Variants in CPAP observed in about 807,000 individuals in gnomAD.
CPAP encodes the protein centrosomal P4.1-associated protein.
chr13:24,912,062 T>C, the CPAP span: 159 of 1,613,376 alleles, frequency 9.9e-5, no homozygotes, highest in Middle Eastern at 9.9e-4. Flanking sequence ...CTGTTGTACT[T>C]CTTTCAGCTT....
the CPAP span, among the ~76,000 whole-genome samples, chr13:24,884,714 C>T: frequency 3.9e-5 from 6 of 152,112 alleles, no homozygotes; most frequent in African/African-American, 9.7e-5. Context: ...CTAAAGTAGA[C>T]TTTGTACAGG....
chr13:24,903,967 A>G, the CPAP span: 1 of 1,614,158 alleles, frequency 6.2e-7, no homozygotes, highest in Non-Finnish European at 8.5e-7. Context: ...TGCGAAGTTT[A>G]GCTAAAGATG....
chr13:24,892,559 T>G, the CPAP span: 4 of 1,084,754 alleles, frequency 3.7e-6, no homozygotes, highest in Non-Finnish European at 5.7e-6. Context: ...CAGCTCCCAT[T>G]CTACTTTCTG....
At chr13:24,919,775 T>C in the CPAP span, among the ~76,000 whole-genome samples, 1 of 151,696 alleles carries the variant, frequency 6.6e-6, no homozygotes, top group Admixed American at 6.6e-5. Flanking sequence ...TTTTTTTCTT[T>C]TTTTCTGAGA....
At chr13:24,914,659 A>G in the CPAP span, among the ~76,000 whole-genome samples, 1 of 152,080 alleles carries the variant, frequency 6.6e-6, no homozygotes, top group African/African-American at 2.4e-5. Context: ...ATAAAAAGCA[A>G]TTTTACTTGG....
chr13:24,884,553 T>G, the CPAP span: 6 of 1,314,326 alleles, frequency 4.6e-6, no homozygotes, highest in African/African-American at 1.5e-5. Flanking sequence ...TTGAAATTTT[T>G]TGTAATAAAA....
chr13:24,884,754 C>G, the CPAP span, among the ~76,000 whole-genome samples: 1 of 152,264 alleles, frequency 6.6e-6, no homozygotes, highest in South Asian at 2.1e-4. Context: ...GCCTGTTGTT[C>G]TTTGTCCTTC....
chr13:24,886,380 C>T, the CPAP span: 1 of 1,288,866 alleles, frequency 7.8e-7, no homozygotes. Flanking sequence ...GGCGGCTGTG[C>T]TGTGCCTGTG....
chr13:24,919,820 T>C, the CPAP span, among the ~76,000 whole-genome samples: 6 of 152,120 alleles, frequency 3.9e-5, no homozygotes, highest in African/African-American at 7.2e-5. Flanking sequence ...CTGAAGTGCA[T>C]TGGCACAATC....
the CPAP span, chr13:24,904,038 C>G: frequency 4.3e-6 from 7 of 1,613,830 alleles, no homozygotes; most frequent in Non-Finnish European, 5.9e-6. Context: ...TCTCTCAAAA[C>G]CTGGGATCGA....
At chr13:24,919,965 T>A in the CPAP span, among the ~76,000 whole-genome samples, 3 of 152,042 alleles carry the variant, frequency 2.0e-5, no homozygotes, top group East Asian at 5.8e-4. Context: ...AGAAACAGGG[T>A]GTCCCTATGT....
chr13:24,926,230 T>C, the CPAP span, among the ~76,000 whole-genome samples: 1 of 152,240 alleles, frequency 6.6e-6, no homozygotes, highest in Non-Finnish European at 1.5e-5. Context: ...TTTCCAAGTT[T>C]GAGGGAATTT....
chr13:24,885,696 T>C, the CPAP span: 1 of 1,537,370 alleles, frequency 6.5e-7, no homozygotes, highest in East Asian at 2.2e-5. Flanking sequence ...TGTCAAGAGT[T>C]AGATTTAATA....
the CPAP span, among the ~76,000 whole-genome samples, chr13:24,914,158 CAT>C: frequency 6.6e-6 from 1 of 152,118 alleles, no homozygotes; most frequent in Non-Finnish European, 1.5e-5. Context: ...AGGTGGACAG[CAT>C]CCTCATTTAG....
the CPAP span, chr13:24,883,942 G>C: frequency 2.2e-3 from 3,523 of 1,613,986 alleles, 113 homozygotes; most frequent in East Asian, 0.062. Context: ...TGGTTTTTCT[G>C]TGAACATAAT....
the CPAP span, among the ~76,000 whole-genome samples, chr13:24,889,576 TGTGCACACACACGCACGC>T: frequency 1.1e-5 from 1 of 93,378 alleles, no homozygotes; most frequent in Admixed American, 1.0e-4. Context: ...TCACTGCGCG[TGTGCACACACACGCACGC>T]GCGCCCCTTT....
At chr13:24,884,137 TGA>T in the CPAP span, 674 of 1,613,776 alleles carry the variant, frequency 4.2e-4, no homozygotes, top group Non-Finnish European at 5.3e-4. Context: ...AAGAATTTAA[TGA>T]GAGGGTGGAG....
the CPAP span, among the ~76,000 whole-genome samples, chr13:24,894,173 G>C: frequency 1.3e-5 from 2 of 152,314 alleles, no homozygotes; most frequent in Admixed American, 6.5e-5. Flanking sequence ...CAGTCACATA[G>C]GGACTGAGGT....
chr13:24,928,723 C>T, the CPAP span, among the ~76,000 whole-genome samples: 5 of 152,174 alleles, frequency 3.3e-5, no homozygotes, highest in Admixed American at 6.5e-5. Flanking sequence ...AGCCACCACA[C>T]CTGGCCAGTA....
Sources: allele counts gnomAD v4.1 joint callset (sites outside exome capture counted in the v4.1 genomes callset), GRCh38; gene constraint gnomAD v4.1.1; transcripts MANE v1.5; gene names NCBI Gene and HGNC (gene_info 2026-07-23, HGNC 2026-07-21).